TCF12: variants seen among roughly 807,000 people sequenced by gnomAD.
TCF12 encodes transcription factor 12.
A neutral mutation model predicts 86.0 loss-of-function variants in TCF12; 45 were observed. That is an observed-to-expected ratio of 0.52 (90% CI 0.41 to 0.67). TCF12 has a LOEUF of 0.67. TCF12 is among the 30% of genes least tolerant of loss of function. TCF12 has a pLI of 0.00. For missense variants in TCF12, 881 were observed against 859.9 expected (o/e 1.02, Z -0.31); for synonymous variants, 330 against 299.6 (o/e 1.10, Z -1.05).
At chr15:57,244,769 GT>G (rs1219895464) in intron 13 of TCF12, among the ~76,000 whole-genome samples, 34 of 148,540 alleles carry the variant, frequency 2.3e-4, no homozygotes, top group African/African-American at 7.4e-4. Context: ...CGGCCCACAT[GT>G]TTTTTTTTTC....
At position 57,251,420 on chromosome 15, in the gene TCF12, C is replaced by A. The variant is rs184766827; in HGVS notation, c.1185C>A (p.Ser395=). ...SSPSYENSLH[S]LKNRVEQQLH... is the part of the protein sequence containing the mutation. ...CAAGCTATGAAAACTCACTCCACTC[C>A]CTGGTAAGAGCCTCTTATACATCAG... Residue 395 remains serine (S), a synonymous_variant, in exon 14 of 21, where the codon TCC becomes TCA. Coordinates refer to ENST00000333725, the MANE Select transcript of TCF12 (RefSeq NM_207037.2). 1 of 1,613,800 alleles carries A rather than the reference C, an allele frequency of 6.2e-7. No individual in the cohort carries two copies.
At chr15:56,951,037 C>T (rs987500831) in intron 3 of TCF12, among the ~76,000 whole-genome samples, 11 of 151,686 alleles carry the variant, frequency 7.3e-5, no homozygotes, top group African/African-American at 2.2e-4. Flanking sequence ...ATTACAGATA[C>T]GAGCCACTGC....
intron 6 of TCF12, among the ~76,000 whole-genome samples, chr15:57,184,490 C>A (rs2056550160): frequency 1.3e-5 from 2 of 152,086 alleles, no homozygotes; most frequent in Admixed American, 1.3e-4. Context: ...ATGTTATGAC[C>A]AGCTTCATAT....
rs189927573 is a variant in TCF12 at position 56,935,473 on chromosome 15, T to A, written c.148+14375T>A. Reference sequence around the variant, plus strand: ...GTGCCCTTTGGTGTCTCTCTTTTTTTAAAAAAATTTTTTGTTTCCGTAGGT... The same window carrying A: ...GTGCCCTTTGGTGTCTCTCTTTTTTAAAAAAAATTTTTTGTTTCCGTAGGT... On this transcript the variant is annotated intron_variant, in intron 3 of 20. Transcript: ENST00000333725. 1.6e-3 allele frequency among the ~76,000 whole-genome samples: 240 copies of A among 152,152 alleles called. 1 individual carries two copies. Among genetic ancestry groups the A allele is most frequent in the East Asian group, 3.7e-3 (19 of 5,178 alleles).
chr15:57,266,218 C>T (rs1171020233), intron 18 of TCF12, among the ~76,000 whole-genome samples: 4 of 152,042 alleles, frequency 2.6e-5, no homozygotes, highest in African/African-American at 9.7e-5. Flanking sequence ...GCTGGGATTA[C>T]AGGCAGATGC....
intron 4 of TCF12, among the ~76,000 whole-genome samples, chr15:57,069,649 G>A (rs563574084): frequency 1.3e-5 from 2 of 152,266 alleles, no homozygotes; most frequent in East Asian, 3.9e-4. Flanking sequence ...ATTTGGCTAG[G>A]CTATGTGACT....
chr15:57,276,692 TATC>T (rs2152113195), intron 19 of TCF12, among the ~76,000 whole-genome samples: 1 of 152,044 alleles, frequency 6.6e-6, no homozygotes, highest in African/African-American at 2.4e-5. Context: ...AGAATCAAAA[TATC>T]ATCAGCGTTC....
At chr15:57,130,395 A>G (rs770990487) in intron 5 of TCF12, among the ~76,000 whole-genome samples, 1 of 152,134 alleles carries the variant, frequency 6.6e-6, no homozygotes. Context: ...TTACGTGCAT[A>G]CTGACTTTTG....
At chr15:57,233,449 A>G (rs935555283) in intron 11 of TCF12, among the ~76,000 whole-genome samples, 4 of 152,084 alleles carry the variant, frequency 2.6e-5, no homozygotes, top group Non-Finnish European at 2.9e-5. Context: ...AAATGCTAGC[A>G]TTATAGACAT....
intron 8 of TCF12, among the ~76,000 whole-genome samples, chr15:57,227,142 A>G (rs558856642): frequency 1.1e-4 from 16 of 152,300 alleles, no homozygotes; most frequent in African/African-American, 3.6e-4. Context: ...TAAAGTATGG[A>G]TAATCACACC....
chr15:57,149,933 A>C (rs1391485569), intron 5 of TCF12, among the ~76,000 whole-genome samples: 1 of 152,188 alleles, frequency 6.6e-6, no homozygotes. Context: ...TCTAAGAGGT[A>C]TAAAAACCTT....
intron 19 of TCF12, 36 bp from the exon 20 acceptor site, chr15:57,282,409 A>G (rs1205059042): frequency 6.2e-7 from 1 of 1,613,694 alleles, no homozygotes; most frequent in Non-Finnish European, 8.5e-7. Flanking sequence ...CATAACTTAA[A>G]ACCATAGTGA....
chr15:57,017,161 C>G (rs1277514379), intron 3 of TCF12, among the ~76,000 whole-genome samples: 1 of 152,184 alleles, frequency 6.6e-6, no homozygotes, highest in African/African-American at 2.4e-5. Flanking sequence ...GCCCTTGACA[C>G]AGTTGACACT....
intron 3 of TCF12, among the ~76,000 whole-genome samples, chr15:56,951,121 C>G (rs2061255484): frequency 6.6e-6 from 1 of 152,132 alleles, no homozygotes; most frequent in Admixed American, 6.5e-5. Context: ...CTTCAACTCA[C>G]TAAGAAACTG....
chr15:57,090,664 G>A (rs571021359), intron 4 of TCF12, among the ~76,000 whole-genome samples: 1 of 152,234 alleles, frequency 6.6e-6, no homozygotes, highest in Admixed American at 6.5e-5. Flanking sequence ...TGCAGTCTGG[G>A]GAATGATAAA....
At chr15:57,148,215 A>C (rs1023856489) in intron 5 of TCF12, among the ~76,000 whole-genome samples, 4 of 151,132 alleles carry the variant, frequency 2.6e-5, no homozygotes, top group Admixed American at 1.3e-4. Context: ...AAAAAGAAAG[A>C]AAGAAAGAAA....
At chr15:57,218,717 A>G (rs1227010073) in intron 8 of TCF12, among the ~76,000 whole-genome samples, 1 of 152,224 alleles carries the variant, frequency 6.6e-6, no homozygotes, top group Admixed American at 6.5e-5. Flanking sequence ...GTGTATGAAG[A>G]ATTCAAGGAG....
chr15:57,164,475 C>A (rs1408236320), intron 5 of TCF12, among the ~76,000 whole-genome samples: 1 of 152,042 alleles, frequency 6.6e-6, no homozygotes, highest in East Asian at 1.9e-4. Flanking sequence ...AGGGGAAAAA[C>A]CCCTTATAAA....
At chr15:56,998,441 G>T (rs2063827255) in intron 3 of TCF12, among the ~76,000 whole-genome samples, 1 of 144,536 alleles carries the variant, frequency 6.9e-6, no homozygotes, top group Non-Finnish European at 1.5e-5. Flanking sequence ...TTGGTGACAG[G>T]GGTGAAACTC....
Sources: allele counts gnomAD v4.1 joint callset (sites outside exome capture counted in the v4.1 genomes callset), GRCh38; gene constraint gnomAD v4.1.1; transcripts MANE v1.5; gene names NCBI Gene and HGNC (gene_info 2026-07-23, HGNC 2026-07-21).